SPG11: variants seen among roughly 807,000 people sequenced by gnomAD.
SPG11 encodes the protein spatacsin.
SPG11 carries 222 observed loss-of-function variants against 274.0 expected under a neutral mutation model. The ratio of observed to expected loss-of-function variants is 0.81; its 90% CI spans 0.73 to 0.91. The LOEUF (loss-of-function observed/expected upper bound fraction) is 0.91. Ranked by LOEUF, SPG11 falls within the 40% of genes least tolerant of loss-of-function variation. The pLI is 0.00. For synonymous variants in SPG11, 1,144 were observed against 1,039.7 expected, an observed-to-expected ratio of 1.10 and a Z score of -1.93; for missense variants, 3,114 against 2,872.7, an observed-to-expected ratio of 1.08 and a Z score of -1.92.
chr15:44,620,091 C>A, intron 15 of SPG11, 99 bp downstream of exon 15: 1 of 952,796 alleles, frequency 1.0e-6, no homozygotes, highest in Non-Finnish European at 1.7e-6. Context: ...CAACACTACA[C>A]TGGATTTATG....
Position 44,598,966 on chromosome 15 carries a change from T to G in SPG11, c.3687-130A>C, listed in dbSNP as rs902199939. 4 of 936,642 alleles carry G rather than the reference T, an allele frequency of 4.3e-6. No homozygotes were observed. The African/African-American group carries it at 6.5e-5, about 15-fold the overall frequency. 58.0% of individuals were successfully genotyped at this position (936,642 alleles called of 1,614,324 possible). A position where few individuals can be genotyped will look rare whatever the true frequency, so the allele number is the denominator to read the frequency against. On this transcript the variant is annotated intron_variant, in intron 21 of 39. Coordinates refer to ENST00000261866, the MANE Select transcript of SPG11 (RefSeq NM_025137.4). ...ATTTGTGGCCTCCTCTCCCTTACCT[T>G]TTGCCCCTTGCACATACCCGTTTAG...
intron 30 of SPG11, among the ~76,000 whole-genome samples, chr15:44,579,526 C>CAAAAAAAAA (rs954664107): frequency 1.6e-3 from 80 of 51,586 alleles, no homozygotes; most frequent in Non-Finnish European, 2.0e-3. Context: ...GACTCCGTCT[C>CAAAAAAAAA]AAAAAAAAAA....
Position 44,563,051 on chromosome 15 carries a change from G to A in SPG11, c.*70C>T. On this transcript the variant is annotated 3_prime_UTR_variant, in exon 40 of 40. Transcript: ENST00000261866. ...TTCAACTTTAGCAAAGATCTCCAAT[G>A]CATTCTTCTTCTCATCACATCTGTC... 4.8e-6 allele frequency: 7 copies of A among 1,463,920 alleles called. No homozygotes were observed. Among genetic ancestry groups the A allele is most frequent in the Non-Finnish European group, 6.7e-6 (7 of 1,046,546 alleles). 90.7% of individuals were successfully genotyped at this position (1,463,920 alleles called of 1,614,324 possible).
At chr15:44,662,395 G>T (rs1445281671) in intron 1 of SPG11, among the ~76,000 whole-genome samples, 2 of 152,070 alleles carry the variant, frequency 1.3e-5, no homozygotes, top group Non-Finnish European at 2.9e-5. Context: ...AACAGGTCAG[G>T]CTCAGTGGCT....
chr15:44,628,071 TCCAATA>T (rs1285815579), intron 10 of SPG11, among the ~76,000 whole-genome samples: 2 of 152,192 alleles, frequency 1.3e-5, no homozygotes, highest in Non-Finnish European at 2.9e-5. Context: ...CTTTTGTTTT[TCCAATA>T]CCAATACCCT....
In SPG11 at chr15:44,651,765, C is replaced by T. The variant is rs199968487; in HGVS notation, c.1182G>A (p.Gly394=). The change falls in exon 6 of 40, where the codon GGG becomes GGA. Residue 394 remains glycine, a synonymous_variant. Transcript: ENST00000261866. ...GATCTTTCTGTAGAACATTATATTG[C>T]CCATGCATTATGTCCTGTGGAATGA... ...WAFIPQDIMH[G]QYNVLQKDHA... is the part of the protein sequence containing the mutation. The T allele has an allele frequency of 8.7e-6, 14 of 1,614,174 alleles. No homozygotes were observed. The East Asian group carries it at 2.7e-4, about 31-fold the overall frequency.
chr15:44,638,807 C>T (rs541927454), intron 7 of SPG11, among the ~76,000 whole-genome samples: 2 of 152,128 alleles, frequency 1.3e-5, no homozygotes, highest in South Asian at 4.1e-4. Flanking sequence ...ACCAGGCTGG[C>T]CAACATGGGG....
At position 44,660,406 on chromosome 15, in the gene SPG11, C is replaced by T. The variant is rs368788107; in HGVS notation, c.442+26G>A. ...TGGTAATGTCACAAATTTAAATATG[C>T]TGAAAGACCACCTGTAGATACTTAC... On this transcript the variant is annotated intron_variant, in intron 2 of 39. Coordinates refer to ENST00000261866, the MANE Select transcript of SPG11 (RefSeq NM_025137.4). 24 of 1,605,658 alleles carry T rather than the reference C, an allele frequency of 1.5e-5. No homozygotes were observed. In the East Asian group the frequency reaches 5.1e-4, roughly 34 times the overall value.
intron 35 of SPG11, 69 bp from the exon 36 acceptor site, chr15:44,567,661 T>G: frequency 6.5e-7 from 1 of 1,537,768 alleles, no homozygotes; most frequent in African/African-American, 1.4e-5. Context: ...ACTAGCTGAG[T>G]CACCTTGTTC....
rs546805081 is a variant in SPG11 at position 44,608,399 on chromosome 15, G to A, written c.3453+45C>T. ...ATCTAGAGTGATTTCTGTTTTCCTGGCTGAACTCTGATAGACCTAAATATT... is the reference window on the plus strand; with the variant it reads ...ATCTAGAGTGATTTCTGTTTTCCTGACTGAACTCTGATAGACCTAAATATT... On this transcript the variant is annotated intron_variant, in intron 19 of 39. Transcript: ENST00000261866. 53 of 1,593,526 alleles carry A rather than the reference G, an allele frequency of 3.3e-5. 1 individual carries two copies. The South Asian group carries it at 5.6e-4, about 17-fold the overall frequency.
chr15:44,607,070 T>C (rs566781025), intron 19 of SPG11, among the ~76,000 whole-genome samples: 2 of 152,330 alleles, frequency 1.3e-5, no homozygotes, highest in South Asian at 4.1e-4. Context: ...AAATCCAGAA[T>C]ACTGCTTCCT....
chr15:44,578,364 G>T (rs146862325), intron 30 of SPG11, among the ~76,000 whole-genome samples: 1 of 152,074 alleles, frequency 6.6e-6, no homozygotes, highest in East Asian at 1.9e-4. Context: ...GGGGCGCTCT[G>T]GTCTCAGGAG....
At chr15:44,626,595 C>G in intron 10 of SPG11, 88 bp from the exon 11 acceptor site, 2 of 1,330,314 alleles carry the variant, frequency 1.5e-6, no homozygotes, top group Non-Finnish European at 2.1e-6. Context: ...TATGTAACAT[C>G]TAACAAAGGA....
chr15:44,568,929 T>G (rs1489060304), intron 35 of SPG11, among the ~76,000 whole-genome samples: 2 of 152,090 alleles, frequency 1.3e-5, no homozygotes, highest in African/African-American at 4.8e-5. Flanking sequence ...CCCAGCATTT[T>G]GGGAGGCTGA....
chr15:44,578,653 C>T (rs2082596260), intron 30 of SPG11, among the ~76,000 whole-genome samples: 1 of 152,124 alleles, frequency 6.6e-6, no homozygotes, highest in Admixed American at 6.5e-5. Flanking sequence ...AGATTGACCA[C>T]TAGGTGGCGT....
intron 32 of SPG11, 113 bp downstream of exon 32, chr15:44,573,434 G>C: frequency 8.6e-7 from 1 of 1,166,760 alleles, no homozygotes; most frequent in Non-Finnish European, 1.3e-6. Flanking sequence ...CTGCAATCCA[G>C]AAACTTGAGA....
At chr15:44,642,163 C>T (rs116362206) in intron 7 of SPG11, among the ~76,000 whole-genome samples, 7,095 of 150,856 alleles carry the variant, frequency 0.047, 425 homozygotes, top group African/African-American at 0.13. Flanking sequence ...GGTCAGAGTT[C>T]GAGACCAGTC....
chr15:44,620,475 C>T (rs2083712980), intron 14 of SPG11, 72 bp from the exon 15 acceptor site: 1 of 1,015,270 alleles, frequency 9.8e-7, no homozygotes, highest in African/African-American at 1.6e-5. Flanking sequence ...CACTAAATTA[C>T]TGAGTAAATA....
At chr15:44,625,199 T>C (rs553997018) in intron 11 of SPG11, among the ~76,000 whole-genome samples, 1 of 152,212 alleles carries the variant, frequency 6.6e-6, no homozygotes, top group African/African-American at 2.4e-5. Flanking sequence ...CTTTTAGATT[T>C]AGAGACAGGG....
Sources: gnomAD v4.1 joint callset for allele counts (sites outside exome capture counted in the v4.1 genomes callset) on GRCh38, gnomAD v4.1.1 for gene constraint, MANE v1.5 for transcripts, NCBI Gene and HGNC (gene_info 2026-07-23, HGNC 2026-07-21) for gene names.